SNX27: variants seen among roughly 807,000 people sequenced by gnomAD.
SNX27 encodes the protein sorting nexin-27.
SNX27 carries 22 observed loss-of-function variants against 71.6 expected under a neutral mutation model. The observed-to-expected ratio is 0.31, with a 90% CI of 0.22 to 0.44. The LOEUF is 0.44. Among genes scored for constraint, SNX27 ranks in the 20% least tolerant of loss-of-function variants. The pLI, the probability that SNX27 is intolerant of heterozygous loss-of-function variation, is 1.00. For missense variants in SNX27, 531 were observed against 698.6 expected (o/e 0.76, Z 2.70); for synonymous variants, 269 against 277.2 (o/e 0.97, Z 0.29).
rs112811722 is a variant in SNX27 at position 151,641,948 on chromosome 1, C to A, written c.543+2829C>A. Among the ~76,000 whole-genome samples, 383 of 75,560 alleles carry A rather than the reference C, an allele frequency of 5.1e-3. 7 individuals are homozygous for A. Among genetic ancestry groups the A allele is most frequent in the African/African-American group, 0.015 (312 of 20,558 alleles). The allele number at this position is 75,560 out of a possible 152,430, so 49.6% of individuals were successfully genotyped here. On this transcript the variant is annotated intron_variant, in intron 2 of 11. Transcript: ENST00000458013. ...GATATATATGAGATATATATATCAGCTATAGATATATATGAGATATATATA... is the reference window on the plus strand; with the variant it reads ...GATATATATGAGATATATATATCAGATATAGATATATATGAGATATATATA...
chr1:151,684,317 A>G (rs1671096966), intron 8 of SNX27, among the ~76,000 whole-genome samples: 1 of 152,232 alleles, frequency 6.6e-6, no homozygotes, highest in African/African-American at 2.4e-5. Flanking sequence ...TAGCTGCTCT[A>G]GCCACATTTC....
At chr1:151,665,241 AT>A (rs1311369047) in intron 5 of SNX27, among the ~76,000 whole-genome samples, 1 of 152,100 alleles carries the variant, frequency 6.6e-6, no homozygotes, top group East Asian at 1.9e-4. Context: ...CAGTTTTCCA[AT>A]TTCTTTTTTA....
intron 7 of SNX27, among the ~76,000 whole-genome samples, chr1:151,670,789 T>C (rs572908282): frequency 6.6e-6 from 1 of 152,346 alleles, no homozygotes; most frequent in African/African-American, 2.4e-5. Flanking sequence ...TTTAGCTTAA[T>C]GTGATCCCAT....
At chr1:151,691,045 C>G (rs559376424) in intron 8 of SNX27, among the ~76,000 whole-genome samples, 2 of 152,190 alleles carry the variant, frequency 1.3e-5, no homozygotes, top group South Asian at 2.1e-4. Context: ...GTATAGGAGT[C>G]AGAGATTTAT....
intron 8 of SNX27, among the ~76,000 whole-genome samples, chr1:151,686,872 C>T (rs958473507): frequency 1.6e-4 from 24 of 152,144 alleles, no homozygotes; most frequent in Admixed American, 1.2e-3. Flanking sequence ...GGGGATATTC[C>T]GATTATCAGC....
At chr1:151,670,755 GT>G (rs1670423258) in intron 7 of SNX27, among the ~76,000 whole-genome samples, 1 of 151,932 alleles carries the variant, frequency 6.6e-6, no homozygotes, top group South Asian at 2.1e-4. Context: ...TTTGTTGATT[GT>G]TTCCTTTGCT....
chr1:151,620,133 C>G (rs1243402648), intron 1 of SNX27, among the ~76,000 whole-genome samples: 1 of 152,106 alleles, frequency 6.6e-6, no homozygotes, highest in African/African-American at 2.4e-5. Flanking sequence ...TAGCAAGGGG[C>G]TTAAAGTTGC....
At chr1:151,651,758 TG>T (rs1669393975) in intron 2 of SNX27, among the ~76,000 whole-genome samples, 1 of 130,726 alleles carries the variant, frequency 7.6e-6, no homozygotes, top group African/African-American at 3.0e-5. Context: ...TCCCAGATGA[TG>T]GGCGGCCAGG....
In SNX27 at chr1:151,666,002, C is replaced by A; in HGVS notation, c.976C>A (p.His326Asn). ...NYFALFEVIS[H>N]SFVRKLAPNE... ...CTTTGCCTTATTTGAAGTGATCAGTCACTCCTTTGGTAAGTACCAGTGGCT... is the reference window on the plus strand; with the variant it reads ...CTTTGCCTTATTTGAAGTGATCAGTAACTCCTTTGGTAAGTACCAGTGGCT... The change falls in exon 6 of 12, where the codon CAC becomes AAC. Residue 326 changes from histidine to asparagine, a missense_variant. His to Asn is a moderately conservative substitution (Grantham distance 68). Around this residue, in one of 5 missense-constraint regions of SNX27, gnomAD observed 184 missense variants for 289.6 expected, o/e 0.64. Transcript: ENST00000458013. The A allele has an allele frequency of 1.2e-6, 2 of 1,611,196 alleles. No homozygotes were observed. The highest frequency in any genetic ancestry group is 1.3e-5 in the African/African-American group (1 of 75,000).
chr1:151,623,205 G>A (rs1014175558), intron 1 of SNX27, among the ~76,000 whole-genome samples: 3 of 151,918 alleles, frequency 2.0e-5, no homozygotes, highest in East Asian at 1.9e-4. Flanking sequence ...GCAGTGGCAC[G>A]ATTTTGGCTT....
intron 7 of SNX27, chr1:151,676,926 T>A (rs1432124894): frequency 6.6e-6 from 1 of 151,678 alleles, no homozygotes; most frequent in African/African-American, 2.4e-5. Context: ...TAAATTTATA[T>A]CTGTCTGGTG....
intron 8 of SNX27, among the ~76,000 whole-genome samples, chr1:151,688,079 C>G (rs1024584081): frequency 4.6e-5 from 7 of 151,744 alleles, no homozygotes; most frequent in African/African-American, 1.5e-4. Context: ...AAATGGGCCA[C>G]TTTCTACATG....
intron 7 of SNX27, among the ~76,000 whole-genome samples, chr1:151,672,788 ATAG>A (rs1670499663): frequency 6.6e-6 from 1 of 151,910 alleles, no homozygotes; most frequent in South Asian, 2.1e-4. Context: ...ATAGTTAATC[ATAG>A]TAGCCACAAA....
At chr1:151,646,903 A>AC (rs1553258519) in intron 2 of SNX27, among the ~76,000 whole-genome samples, 4 of 148,562 alleles carry the variant, frequency 2.7e-5, no homozygotes, top group South Asian at 2.1e-4. Context: ...ACACACACAC[A>AC]AACAAACACA....
intron 2 of SNX27, among the ~76,000 whole-genome samples, chr1:151,647,947 G>T (rs1307658826): frequency 1.3e-5 from 2 of 151,970 alleles, no homozygotes; most frequent in Non-Finnish European, 2.9e-5. Context: ...AAGGCATTAA[G>T]ATGTGTGTTT....
chr1:151,681,185 A>C (rs1167869215), intron 7 of SNX27, among the ~76,000 whole-genome samples: 3 of 151,170 alleles, frequency 2.0e-5, no homozygotes, highest in Non-Finnish European at 4.4e-5. Flanking sequence ...TGACTTATGC[A>C]AGTACACATT....
At chr1:151,652,019 G>T (rs562974208) in intron 2 of SNX27, among the ~76,000 whole-genome samples, 48 of 152,342 alleles carry the variant, frequency 3.2e-4, no homozygotes, top group African/African-American at 1.1e-3. Flanking sequence ...GGCCAACACA[G>T]CGAAACCCCG....
intron 2 of SNX27, among the ~76,000 whole-genome samples, chr1:151,641,622 T>TC (rs1376559498): frequency 8.0e-6 from 1 of 124,772 alleles, no homozygotes; most frequent in African/African-American, 3.0e-5. Context: ...TATATATATA[T>TC]ATATATATCA....
chr1:151,690,532 C>T (rs1671389152), intron 8 of SNX27, among the ~76,000 whole-genome samples: 1 of 152,070 alleles, frequency 6.6e-6, no homozygotes, highest in Non-Finnish European at 1.5e-5. Flanking sequence ...TCCATCATAG[C>T]CTTGACCTCC....
Sources: gnomAD v4.1 joint callset for allele counts (sites outside exome capture counted in the v4.1 genomes callset) on GRCh38, gnomAD v4.1.1 for gene constraint, gnomAD v4.1.1 regional missense constraint, MANE v1.5 for transcripts, NCBI Gene and HGNC (gene_info 2026-07-23, HGNC 2026-07-21) for gene names.